The following NAALADL2 variants were observed in gnomAD, a reference collection of about 807,000 sequenced individuals.
The protein encoded by NAALADL2 is inactive N-acetylated-alpha-linked acidic dipeptidase-like protein 2.
In NAALADL2, 76 loss-of-function variants were observed where a neutral mutation model predicts 87.2. The observed-to-expected ratio is 0.87, with a 90% CI of 0.72 to 1.05. The LOEUF is 1.05. Among genes scored for constraint, NAALADL2 ranks in the 50% least tolerant of loss-of-function variants. The pLI, the probability that NAALADL2 is intolerant of heterozygous loss-of-function variation, is 0.00. For synonymous variants in NAALADL2, 354 were observed against 331.0 expected (o/e 1.07, Z -0.75); for missense variants, 1,089 against 945.8 (o/e 1.15, Z -1.99).
intron 10 of NAALADL2, among the ~76,000 whole-genome samples, chr3:175,580,820 T>A (rs1200968806): frequency 6.6e-6 from 1 of 152,150 alleles, no homozygotes; most frequent in Non-Finnish European, 1.5e-5. Context: ...TCAGACTTGC[T>A]TCATTTAGTG....
intron 8 of NAALADL2, among the ~76,000 whole-genome samples, chr3:175,470,563 TC>T (rs1355804153): frequency 6.6e-6 from 1 of 152,164 alleles, no homozygotes; most frequent in Non-Finnish European, 1.5e-5. Flanking sequence ...CTTGTAGTCT[TC>T]CATTTCATAG....
chr3:175,360,378 C>A (rs949936943), intron 5 of NAALADL2, among the ~76,000 whole-genome samples: 5 of 152,064 alleles, frequency 3.3e-5, no homozygotes, highest in Non-Finnish European at 7.4e-5. Context: ...TTCTTTTAAG[C>A]TGAAGATATT....
chr3:175,070,191 T>TA, intron 1 of NAALADL2, among the ~76,000 whole-genome samples: 1 of 149,570 alleles, frequency 6.7e-6, no homozygotes, highest in Non-Finnish European at 1.5e-5. Flanking sequence ...AAATAAAAAA[T>TA]AAAAATAAAA....
chr3:174,726,585 A>C (rs1424010824), intron 2 of NAALADL2, among the ~76,000 whole-genome samples: 2 of 152,114 alleles, frequency 1.3e-5, no homozygotes, highest in Non-Finnish European at 2.9e-5. Context: ...CCCTGTTCAT[A>C]GTACTTGGCT....
intron 1 of NAALADL2, among the ~76,000 whole-genome samples, chr3:174,882,863 A>G (rs567474420): frequency 4.1e-4 from 58 of 139,862 alleles, no homozygotes; most frequent in Admixed American, 1.0e-3. Context: ...ATATATACAT[A>G]TGTGTATATG....
intron 10 of NAALADL2, among the ~76,000 whole-genome samples, chr3:175,579,544 A>T (rs958750549): frequency 3.3e-5 from 5 of 152,178 alleles, no homozygotes; most frequent in Non-Finnish European, 7.4e-5. Flanking sequence ...TTGCAAATGC[A>T]TTGCGATCTA....
intron 2 of NAALADL2, among the ~76,000 whole-genome samples, chr3:174,730,875 A>G (rs546954312): frequency 1.3e-5 from 2 of 152,222 alleles, no homozygotes; most frequent in East Asian, 3.9e-4. Context: ...CTTTCATATC[A>G]TAGACAAAGC....
At chr3:175,139,227 G>T (rs906037392) in intron 2 of NAALADL2, among the ~76,000 whole-genome samples, 2 of 151,554 alleles carry the variant, frequency 1.3e-5, no homozygotes, top group Non-Finnish European at 2.9e-5. Context: ...TTTCTTGAGA[G>T]TTACTGCTTC....
At chr3:175,028,765 C>T (rs994213876) in intron 1 of NAALADL2, among the ~76,000 whole-genome samples, 9 of 151,778 alleles carry the variant, frequency 5.9e-5, no homozygotes, top group African/African-American at 2.2e-4. Flanking sequence ...TATTCCACCT[C>T]TCAATACTTT....
At chr3:175,536,776 G>C (rs1408922463) in intron 9 of NAALADL2, among the ~76,000 whole-genome samples, 1 of 152,144 alleles carries the variant, frequency 6.6e-6, no homozygotes, top group Non-Finnish European at 1.5e-5. Flanking sequence ...TCCTCTCAAA[G>C]TGCTGGGATT....
chr3:175,709,421 C>T (rs1321954171), intron 11 of NAALADL2, among the ~76,000 whole-genome samples: 1 of 151,984 alleles, frequency 6.6e-6, no homozygotes, highest in Non-Finnish European at 1.5e-5. Context: ...GTTAGGTGAA[C>T]AGAGACACAT....
At chr3:175,758,614 A>C (rs2150141779) in intron 13 of NAALADL2, among the ~76,000 whole-genome samples, 1 of 152,200 alleles carries the variant, frequency 6.6e-6, no homozygotes, top group African/African-American at 2.4e-5. Flanking sequence ...AAATTACAAT[A>C]GGATTTCCAC....
At chr3:175,474,646 C>T (rs1271951599) in intron 9 of NAALADL2, among the ~76,000 whole-genome samples, 1 of 152,104 alleles carries the variant, frequency 6.6e-6, no homozygotes, top group African/African-American at 2.4e-5. Flanking sequence ...TCAAGATATA[C>T]GGCATCTCTG....
At chr3:175,366,204 C>T (rs899018385) in intron 5 of NAALADL2, among the ~76,000 whole-genome samples, 5 of 147,540 alleles carry the variant, frequency 3.4e-5, no homozygotes, top group African/African-American at 1.2e-4. Flanking sequence ...TTATTTATGG[C>T]TGCATAGTAT....
intron 8 of NAALADL2, 84 bp from the exon 9 acceptor site, chr3:175,471,555 A>G: frequency 1.3e-6 from 1 of 756,126 alleles, no homozygotes; most frequent in East Asian, 2.9e-5. Context: ...ATGAAATGAA[A>G]TGTTCATTAT....
At chr3:174,976,932 A>G (rs766849500) in intron 1 of NAALADL2, among the ~76,000 whole-genome samples, 1 of 152,292 alleles carries the variant, frequency 6.6e-6, no homozygotes, top group South Asian at 2.1e-4. Flanking sequence ...TGGAGATTTC[A>G]TCTAGTTCCC....
rs116392483 is a variant in NAALADL2 at position 174,683,981 on chromosome 3, T to C, written c.-114-53660T>C. ...CATTTAATTTTTAATTTAACTTTTA[T>C]TAGTTTTCTATGCATCACATTTAGG... On this transcript the variant is annotated intron_variant, in intron 2 of 3. Transcript: ENST00000434257. Among the ~76,000 whole-genome samples, 446 of 152,060 alleles carry C rather than the reference T, an allele frequency of 2.9e-3. 1 individual carries two copies. The highest frequency in any genetic ancestry group is 0.011 in the African/African-American group (437 of 41,540).
rs980150516 is a variant in NAALADL2, at chr3:174,728,373, G to C, written c.-114-9268G>C. 4.6e-5 allele frequency among the ~76,000 whole-genome samples: 7 copies of C among 152,052 alleles called. No individual in the cohort carries two copies. The South Asian group carries it at 6.2e-4, about 13-fold the overall frequency. On this transcript the variant is annotated intron_variant, in intron 2 of 3. Coordinates refer to the NAALADL2 transcript ENST00000434257. ...TCACAAATTTGAAAGGGCACTGATA[G>C]TTGGAAGGAATGGAAGAAGTTATGT...
In NAALADL2 at chr3:175,628,609, C is replaced by CTATGTGTATA. The variant is rs10663163; in HGVS notation, c.1896+1224_1896+1225insATGTGTATAT. On this transcript the variant is annotated intron_variant, in intron 11 of 13. Transcript: ENST00000454872. ...TTTTAGTACCATTAAAATAATCTCT[C>CTATGTGTATA]TCTCTATGTATATATATATATATAT... Among the ~76,000 whole-genome samples, 995 of 132,198 alleles carry CTATGTGTATA rather than the reference C, an allele frequency of 7.5e-3. 13 individuals carry two copies. The highest frequency in any genetic ancestry group is 0.027 in the African/African-American group (925 of 34,330). The allele number at this position is 132,198 out of a possible 152,430, so 86.7% of individuals were successfully genotyped here.
Sources: allele counts gnomAD v4.1 joint callset (sites outside exome capture counted in the v4.1 genomes callset), GRCh38; gene constraint gnomAD v4.1.1; transcripts MANE v1.5; gene names NCBI Gene and HGNC (gene_info 2026-07-23, HGNC 2026-07-21).